The following UGT1A5 variants were observed in gnomAD, a reference collection of about 807,000 sequenced individuals.
UGT1A5 encodes UDP-glucuronosyltransferase 1A5.
UGT1A5 carries 29 observed loss-of-function variants against 40.3 expected under a neutral mutation model. That is an observed-to-expected ratio of 0.72 (90% CI 0.54 to 0.98). The LOEUF is 0.98. UGT1A5 is among the 50% of genes least tolerant of loss of function. The probability of loss-of-function intolerance (pLI) is 0.00; values close to 1 mark genes in which losing one functional copy is unlikely to be tolerated. For synonymous variants in UGT1A5, 257 were observed against 262.5 expected (o/e 0.98, Z 0.20); for missense variants, 678 against 677.9 (o/e 1.00, Z 0.00).
chr2:233,717,852 T>A (rs1267229703), intron 1 of UGT1A5: 1 of 455,074 alleles, frequency 2.2e-6, no homozygotes, highest in Non-Finnish European at 4.4e-6. Flanking sequence ...TTATCAGAAC[T>A]TGGTGCTGGA....
chr2:233,718,235 C>G (rs531002147), intron 1 of UGT1A5, among the ~76,000 whole-genome samples: 1 of 152,318 alleles, frequency 6.6e-6, no homozygotes, highest in African/African-American at 2.4e-5. Flanking sequence ...AGAGAGTCCT[C>G]TTTGAGCTTT....
At chr2:233,753,902 T>C (rs1695339006) in intron 1 of UGT1A5, among the ~76,000 whole-genome samples, 1 of 152,224 alleles carries the variant, frequency 6.6e-6, no homozygotes, top group African/African-American at 2.4e-5. Context: ...AACATGCTTC[T>C]TACACCGATT....
At chr2:233,751,660 A>C (rs1210914952) in intron 1 of UGT1A5, among the ~76,000 whole-genome samples, 4 of 152,204 alleles carry the variant, frequency 2.6e-5, no homozygotes, top group Admixed American at 6.5e-5. Flanking sequence ...CATCCTACTG[A>C]GTGAGTTCTA....
chr2:233,772,541 C>T lies in UGT1A5; in HGVS notation c.1587C>T (p.His529=), dbSNP rs1391662449. The T allele has an allele frequency of 1.2e-6, 2 of 1,613,996 alleles. No homozygotes were observed. Among genetic ancestry groups the T allele is most frequent in the Non-Finnish European group, 1.7e-6 (2 of 1,180,012 alleles). ...AAAAAGGGCGAGTTAAGAAAGCCCACAAATCCAAGACCCATTGAGAAGTGG... is the reference window on the plus strand; with the variant it reads ...AAAAAGGGCGAGTTAAGAAAGCCCATAAATCCAAGACCCATTGAGAAGTGG... The part of the protein sequence containing the change: ...LGKKGRVKKA[H]KSKTH The change falls in exon 5 of 5, where the codon CAC becomes CAT. Residue 529 remains histidine (H), a synonymous_variant. Transcript: ENST00000373414.
chr2:233,725,967 A>G (rs2077486962), intron 1 of UGT1A5, among the ~76,000 whole-genome samples: 1 of 152,078 alleles, frequency 6.6e-6, no homozygotes, highest in Non-Finnish European at 1.5e-5. Flanking sequence ...GGAGTCTGAG[A>G]GCAGCCTGGG....
At chr2:233,751,255 T>G (rs977070137) in intron 1 of UGT1A5, among the ~76,000 whole-genome samples, 1 of 151,972 alleles carries the variant, frequency 6.6e-6, no homozygotes, top group Non-Finnish European at 1.5e-5. Context: ...GCATGGGGCC[T>G]GTAGCCCCCT....
At position 233,713,778 on chromosome 2, in the gene UGT1A5, A is replaced by G. The variant is rs1288878856; in HGVS notation, c.787A>G (p.Met263Val). ...SVWLFRGDFV[M>V]DYPRPIMPNM... ...GTGGCTGTTCCGAGGGGACTTTGTG[A>G]TGGATTACCCCAGGCCGATCATGCC... Residue 263 changes from methionine to valine, a missense_variant, in exon 1 of 5, where the codon ATG becomes GTG. Transcript: ENST00000373414. 6.2e-7 allele frequency: 1 copy of G among 1,613,946 alleles called. No homozygotes were observed. Among genetic ancestry groups the G allele is most frequent in the East Asian group, 2.2e-5 (1 of 44,872 alleles).
chr2:233,727,761 T>C (rs1235898236), intron 1 of UGT1A5, among the ~76,000 whole-genome samples: 2 of 152,210 alleles, frequency 1.3e-5, no homozygotes, highest in South Asian at 4.1e-4. Context: ...GCCCTTGAGC[T>C]GGGTGTCCCC....
intron 1 of UGT1A5, among the ~76,000 whole-genome samples, chr2:233,764,010 C>T (rs956490955): frequency 8.5e-5 from 13 of 152,216 alleles, no homozygotes; most frequent in Admixed American, 5.2e-4. Context: ...CACAGATGAC[C>T]CACATGGTGT....
intron 1 of UGT1A5, chr2:233,722,122 T>A (rs1395891774): frequency 5.5e-6 from 1 of 183,338 alleles, no homozygotes; most frequent in African/African-American, 2.3e-5. Context: ...ATCATCATCA[T>A]TAGTAGAGTT....
chr2:233,744,938 G>A (rs940061009), intron 1 of UGT1A5, among the ~76,000 whole-genome samples: 6 of 151,930 alleles, frequency 3.9e-5, no homozygotes, highest in African/African-American at 1.5e-4. Flanking sequence ...AAATGACACA[G>A]TATTTGTATA....
intron 1 of UGT1A5, among the ~76,000 whole-genome samples, chr2:233,753,945 C>T (rs1389059765): frequency 1.3e-5 from 2 of 152,168 alleles, no homozygotes; most frequent in Non-Finnish European, 2.9e-5. Context: ...AAATGTATGA[C>T]CTCCAAAATA....
At chr2:233,742,781 C>A (rs550270409) in intron 1 of UGT1A5, 1 of 153,010 alleles carries the variant, frequency 6.5e-6, no homozygotes, top group African/African-American at 2.4e-5. Context: ...TTGTTTTGAA[C>A]CATCATTAAA....
intron 1 of UGT1A5, among the ~76,000 whole-genome samples, chr2:233,757,413 A>T (rs1189718931): frequency 6.6e-6 from 1 of 151,560 alleles, no homozygotes; most frequent in Non-Finnish European, 1.5e-5. Context: ...AGGGTCTAGA[A>T]CGAAAAGAGA....
chr2:233,755,338 G>C (rs569505432), intron 1 of UGT1A5: 1 of 431,822 alleles, frequency 2.3e-6, no homozygotes, highest in East Asian at 7.3e-5. Flanking sequence ...CCCGCGCACA[G>C]GTCAGAGGCT....
intron 1 of UGT1A5, among the ~76,000 whole-genome samples, chr2:233,744,785 A>C (rs1433110343): frequency 6.6e-6 from 1 of 151,864 alleles, no homozygotes; most frequent in Non-Finnish European, 1.5e-5. Context: ...TCTCCTGAAA[A>C]ATTCTTGGGG....
chr2:233,758,000 G>A (rs956611939), intron 1 of UGT1A5, among the ~76,000 whole-genome samples: 37 of 152,052 alleles, frequency 2.4e-4, no homozygotes, highest in Admixed American at 5.2e-4. Context: ...GTAATTGCCT[G>A]GTCATGAGTT....
intron 1 of UGT1A5, chr2:233,721,835 C>T: frequency 1.9e-6 from 1 of 516,042 alleles, no homozygotes; most frequent in South Asian, 1.4e-5. Context: ...GGCCACCGAC[C>T]TTGTGTCCAG....
rs375204962 is a variant in UGT1A5, at chr2:233,760,376, T to C, written c.868-6658T>C. The C allele has an allele frequency of 6.2e-6, 10 of 1,614,042 alleles. No individual in the cohort carries two copies. In the African/African-American group the frequency reaches 6.7e-5, roughly 11 times the overall value. ...CCAGTGGTGTCCCATGCTGGGAAGA[T>C]ACTGTTGATCCCAGTGGATGGCAGC... On this transcript the variant is annotated intron_variant, in intron 1 of 4. Coordinates refer to ENST00000373414, the MANE Select transcript of UGT1A5 (RefSeq NM_019078.2).
Sources: allele counts gnomAD v4.1 joint callset (sites outside exome capture counted in the v4.1 genomes callset), GRCh38; gene constraint gnomAD v4.1.1; transcripts MANE v1.5; gene names NCBI Gene and HGNC (gene_info 2026-07-23, HGNC 2026-07-21).